The following MYO9B variants were observed in gnomAD, a reference collection of about 807,000 sequenced individuals.
The protein encoded by MYO9B is unconventional myosin-IXb.
Under a neutral mutation model 229.5 loss-of-function variants are expected in MYO9B, and 71 were observed. That is an observed-to-expected ratio of 0.31 (90% CI 0.26 to 0.38). The LOEUF (loss-of-function observed/expected upper bound fraction) is 0.38, where lower values mean the gene tolerates loss of function less well. MYO9B is among the 10% of genes least tolerant of loss of function. The probability of loss-of-function intolerance (pLI) is 1.00; values close to 1 mark genes in which losing one functional copy is unlikely to be tolerated. For synonymous variants in MYO9B, 1,185 were observed against 1,235.8 expected (o/e 0.96, Z 0.86); for missense variants, 2,255 against 2,920.5 (o/e 0.77, Z 5.25).
At chr19:17,179,287 A>G (rs529353846) in intron 14 of MYO9B, among the ~76,000 whole-genome samples, 2 of 152,172 alleles carry the variant, frequency 1.3e-5, no homozygotes, top group East Asian at 1.9e-4. Flanking sequence ...CTTGTATTCA[A>G]ATTAATTCCT....
At chr19:17,128,865 C>T (rs1164952565) in intron 2 of MYO9B, among the ~76,000 whole-genome samples, 1 of 152,198 alleles carries the variant, frequency 6.6e-6, no homozygotes, top group Non-Finnish European at 1.5e-5. Flanking sequence ...CTTTTGCAAA[C>T]CAAAAAGCAA....
intron 22 of MYO9B, among the ~76,000 whole-genome samples, 166 bp from the exon 23 acceptor site, chr19:17,197,626 C>G (rs897320932): frequency 6.6e-6 from 1 of 152,164 alleles, no homozygotes; most frequent in African/African-American, 2.4e-5. Context: ...CCCACCCACT[C>G]CTTTCCCCCC....
At chr19:17,146,641 G>C (rs1006295075) in intron 3 of MYO9B, among the ~76,000 whole-genome samples, 28 of 152,250 alleles carry the variant, frequency 1.8e-4, no homozygotes, top group African/African-American at 5.8e-4. Flanking sequence ...TAGATTCATG[G>C]GTAGGTGGAT....
chr19:17,199,825 C>T (rs868549127), intron 24 of MYO9B, among the ~76,000 whole-genome samples: 5 of 149,884 alleles, frequency 3.3e-5, no homozygotes, highest in Admixed American at 2.0e-4. Context: ...ATTACATAGG[C>T]GTGAGCCACC....
chr19:17,168,131 C>T (rs1196466291), intron 11 of MYO9B, 67 bp downstream of exon 11: 2 of 1,577,016 alleles, frequency 1.3e-6, no homozygotes, highest in Admixed American at 3.6e-5. Flanking sequence ...TTCTGCAGCC[C>T]CCAGAGCCTT....
intron 10 of MYO9B, among the ~76,000 whole-genome samples, chr19:17,163,674 A>G (rs780054427): frequency 2.6e-5 from 4 of 151,704 alleles, no homozygotes; most frequent in African/African-American, 7.3e-5. Context: ...GGCCCATTCT[A>G]TTTTCTGTCT....
intron 5 of MYO9B, 21 bp from the exon 6 acceptor site, chr19:17,154,294 A>C: frequency 6.8e-6 from 11 of 1,606,132 alleles, no homozygotes; most frequent in Non-Finnish European, 9.4e-6. Context: ...TGCCCAGAGT[A>C]CCCATGCCTT....
chr19:17,133,007 C>T (rs756967263), intron 2 of MYO9B, among the ~76,000 whole-genome samples: 4 of 151,988 alleles, frequency 2.6e-5, no homozygotes, highest in Admixed American at 6.6e-5. Flanking sequence ...CCACCACGCC[C>T]GGCTAATTTT....
At chr19:17,198,752 A>C (rs994606699) in intron 24 of MYO9B, among the ~76,000 whole-genome samples, 1 of 150,700 alleles carries the variant, frequency 6.6e-6, no homozygotes, top group Non-Finnish European at 1.5e-5. Flanking sequence ...AAAAAAAAAA[A>C]AAAAAGCCTC....
At chr19:17,155,524 T>C (rs1303772551) in intron 6 of MYO9B, among the ~76,000 whole-genome samples, 1 of 152,226 alleles carries the variant, frequency 6.6e-6, no homozygotes, top group Non-Finnish European at 1.5e-5. Context: ...ATGCCTGTTA[T>C]CCCAGCTACT....
At chr19:17,152,587 A>G (rs375021161) in intron 3 of MYO9B, 57 bp from the exon 4 acceptor site, 616 of 1,463,476 alleles carry the variant, frequency 4.2e-4, no homozygotes, top group Non-Finnish European at 5.4e-4. Flanking sequence ...ACAACTCAAT[A>G]TTAACACAAT....
chr19:17,200,026 C>T (rs569792783), intron 24 of MYO9B, among the ~76,000 whole-genome samples: 1 of 152,254 alleles, frequency 6.6e-6, no homozygotes, highest in African/African-American at 2.4e-5. Context: ...AACCCACCAT[C>T]ACGCCCTGCT....
chr19:17,147,199 C>T (rs2072421595), intron 3 of MYO9B, among the ~76,000 whole-genome samples: 1 of 152,228 alleles, frequency 6.6e-6, no homozygotes, highest in African/African-American at 2.4e-5. Flanking sequence ...CAGGCCCTGA[C>T]CTCTCCATGA....
At chr19:17,077,465 C>T (rs912520594) in intron 1 of MYO9B, among the ~76,000 whole-genome samples, 2 of 152,212 alleles carry the variant, frequency 1.3e-5, no homozygotes, top group Admixed American at 6.5e-5. Flanking sequence ...AAACATTGAA[C>T]TGTAGGCTTG....
chr19:17,135,651 G>A (rs117440287), intron 2 of MYO9B, among the ~76,000 whole-genome samples: 5,385 of 152,250 alleles, frequency 0.035, 131 homozygotes, highest in Non-Finnish European at 0.059. Flanking sequence ...TACCAGACGC[G>A]TGAGGTCACC....
In MYO9B at chr19:17,101,708, G is replaced by C. The variant is rs776331004; in HGVS notation, c.-10G>C. The C allele has an allele frequency of 6.4e-7, 1 of 1,553,554 alleles. No individual in the cohort carries two copies. Among genetic ancestry groups the C allele is most frequent in the East Asian group, 2.4e-5 (1 of 42,386 alleles). ...CCTGGGAGGCATGCTGAAGCCAGGC[G>C]GCCGGCAGGATGAGTGTGAAAGAGG... On this transcript the variant is annotated 5_prime_UTR_variant, in exon 2 of 40. Transcript: ENST00000682292. The surrounding 1 kb of genome is among the most constrained non-coding windows in gnomAD (Gnocchi z 4.7).
chr19:17,187,964 C>A lies in MYO9B; in HGVS notation c.2607C>A (p.Val869=). ...AGCTGTGCTTTGACGACGAGCTGGTCCTGCAGCAGCTGCGCTACACCGGCA... is the reference window on the plus strand; with the variant it reads ...AGCTGTGCTTTGACGACGAGCTGGTACTGCAGCAGCTGCGCTACACCGGCA... The part of the protein sequence containing the change: ...KKELCFDDEL[V]LQQLRYTGML... The change falls in exon 19 of 40, where the codon GTC becomes GTA. Residue 869 remains valine (V), a synonymous_variant. Coordinates refer to ENST00000682292, the MANE Select transcript of MYO9B (RefSeq NM_004145.4). 6.3e-7 allele frequency: 1 copy of A among 1,597,042 alleles called. No homozygotes were observed. The highest frequency in any genetic ancestry group is 8.5e-7 in the Non-Finnish European group (1 of 1,172,000).
intron 2 of MYO9B, among the ~76,000 whole-genome samples, chr19:17,124,920 G>A (rs1205231012): frequency 6.6e-6 from 1 of 152,050 alleles, no homozygotes; most frequent in Non-Finnish European, 1.5e-5. Flanking sequence ...AAATAGGAAA[G>A]AACGGAAGTA....
chr19:17,079,557 TTA>T (rs1223746389), intron 1 of MYO9B, among the ~76,000 whole-genome samples: 1 of 152,186 alleles, frequency 6.6e-6, no homozygotes, highest in African/African-American at 2.4e-5. Context: ...GTAAGCTGCA[TTA>T]TCTCTTCCAT....
Sources: gnomAD v4.1 joint callset for allele counts (sites outside exome capture counted in the v4.1 genomes callset) on GRCh38, gnomAD v4.1.1 for gene constraint, Gnocchi (gnomAD v3.1) non-coding constraint, MANE v1.5 for transcripts, NCBI Gene and HGNC (gene_info 2026-07-23, HGNC 2026-07-21) for gene names.